TENM2: variants seen among roughly 807,000 people sequenced by gnomAD.
TENM2 encodes the protein teneurin transmembrane protein 2, also known as teneurin-2.
Under a neutral mutation model 245.2 loss-of-function variants are expected in TENM2, and 52 were observed. The ratio of observed to expected loss-of-function variants is 0.21; its 90% confidence interval spans 0.17 to 0.27. The LOEUF (loss-of-function observed/expected upper bound fraction) is 0.27. Among genes scored for constraint, TENM2 ranks in the 10% least tolerant of loss-of-function variants. The pLI, the probability that TENM2 is intolerant of heterozygous loss-of-function variation, is 1.00. For synonymous variants in TENM2, 1,363 were observed against 1,438.9 expected, an observed-to-expected ratio of 0.95 and a Z score of 1.19; for missense variants, 3,046 against 3,666.8, an observed-to-expected ratio of 0.83 and a Z score of 4.37.
At chr5:167,868,621 C>T (rs528081579) in intron 2 of TENM2, among the ~76,000 whole-genome samples, 1 of 151,470 alleles carries the variant, frequency 6.6e-6, no homozygotes, top group South Asian at 2.1e-4. Context: ...CCTGTAATCC[C>T]AGCTACTCAG....
intron 2 of TENM2, among the ~76,000 whole-genome samples, chr5:167,853,288 T>TAAAAAA: frequency 2.2e-4 from 1 of 4,570 alleles, no homozygotes; most frequent in Non-Finnish European, 5.6e-4. Flanking sequence ...AGACTCCGTC[T>TAAAAAA]CAAAAAAAAA....
At chr5:168,116,924 A>G (rs1054781709) in intron 9 of TENM2, among the ~76,000 whole-genome samples, 1 of 152,216 alleles carries the variant, frequency 6.6e-6, no homozygotes, top group Non-Finnish European at 1.5e-5. Flanking sequence ...ACCAGGAGTC[A>G]CTGAAACACC....
At chr5:167,179,196 G>T in the TENM2 span, among the ~76,000 whole-genome samples, 1 of 152,074 alleles carries the variant, frequency 6.6e-6, no homozygotes, top group African/African-American at 2.4e-5. Flanking sequence ...TCCTTCCAAG[G>T]ATAACAGGAA....
chr5:167,455,551 G>A (rs1360823372), intron 2 of TENM2, among the ~76,000 whole-genome samples: 1 of 148,024 alleles, frequency 6.8e-6, no homozygotes, highest in Non-Finnish European at 1.5e-5. Context: ...TGATGTCTCT[G>A]CCAGATAGGG....
intron 6 of TENM2, among the ~76,000 whole-genome samples, chr5:168,058,672 A>G (rs1200494506): frequency 1.3e-5 from 2 of 152,186 alleles, no homozygotes; most frequent in Non-Finnish European, 2.9e-5. Context: ...AGATATATAC[A>G]AATAGACATT....
chr5:167,845,543 G>T (rs1427381508), intron 2 of TENM2, among the ~76,000 whole-genome samples: 1 of 152,042 alleles, frequency 6.6e-6, no homozygotes, highest in Admixed American at 6.6e-5. Flanking sequence ...ACATTAACTT[G>T]TTCCAGTGTT....
At chr5:168,179,922 A>G (rs1314553187) in intron 13 of TENM2, among the ~76,000 whole-genome samples, 1 of 152,198 alleles carries the variant, frequency 6.6e-6, no homozygotes, top group Non-Finnish European at 1.5e-5. Context: ...GTTGCCATTA[A>G]TGTTCCATTG....
Position 168,195,146 on chromosome 5 carries a change from C to T in TENM2, c.2781-30C>T, listed in dbSNP as rs1018776429. 10 of 1,564,604 alleles carry T rather than the reference C, an allele frequency of 6.4e-6. No individual in the cohort carries two copies. The African/African-American group carries it at 1.4e-4, about 21-fold the overall frequency. On this transcript the variant is annotated intron_variant, in intron 14 of 28. Transcript: ENST00000518659. ...ATTGTCTCTGTTCTCCTGCATGTGG[C>T]TCAAAGACCTCTGTTTCTGTCTTTC...
chr5:168,078,473 T>C (rs1451416440), intron 7 of TENM2, among the ~76,000 whole-genome samples: 1 of 152,128 alleles, frequency 6.6e-6, no homozygotes, highest in Non-Finnish European at 1.5e-5. Context: ...GTTGCCATTG[T>C]TTTTGGTGTT....
At chr5:167,091,510 A>C in the TENM2 span, among the ~76,000 whole-genome samples, 1 of 152,200 alleles carries the variant, frequency 6.6e-6, no homozygotes, top group Non-Finnish European at 1.5e-5. Context: ...ACATTATACA[A>C]GTCATTAAGG....
chr5:168,216,597 G>C (rs1237387782), intron 21 of TENM2, among the ~76,000 whole-genome samples, 171 bp from the exon 24 acceptor site: 1 of 152,126 alleles, frequency 6.6e-6, no homozygotes, highest in African/African-American at 2.4e-5. Context: ...AGTGCCCATG[G>C]GAAAGGATCT....
At chr5:167,735,338 T>A (rs1037677932) in intron 2 of TENM2, among the ~76,000 whole-genome samples, 1 of 152,214 alleles carries the variant, frequency 6.6e-6, no homozygotes, top group African/African-American at 2.4e-5. Flanking sequence ...TGGTAAAGAC[T>A]AACTAAAATG....
the TENM2 span, among the ~76,000 whole-genome samples, chr5:167,026,291 T>C: frequency 6.6e-6 from 1 of 152,226 alleles, no homozygotes; most frequent in East Asian, 1.9e-4. Flanking sequence ...AGAACTTAGA[T>C]GTGCAGCTTC....
chr5:167,906,984 G>A lies in TENM2; in HGVS notation c.712+30789G>A, dbSNP rs184308328. Among the ~76,000 whole-genome samples the A allele has an allele frequency of 2.6e-3, 390 of 152,260 alleles. 14 individuals are homozygous for A. The East Asian group carries it at 0.065, about 25-fold the overall frequency. ...GCAGTGGCTCACGCCTGTAATCTCCGCACTTTGGGAGGCTGAGGCAGGCGG... is the reference window on the plus strand; with the variant it reads ...GCAGTGGCTCACGCCTGTAATCTCCACACTTTGGGAGGCTGAGGCAGGCGG... On this transcript the variant is annotated intron_variant, in intron 3 of 28. Transcript: ENST00000518659.
Position 167,912,561 on chromosome 5 carries a change from G to A in TENM2, c.712+36366G>A, listed in dbSNP as rs547779516. 3.3e-5 allele frequency among the ~76,000 whole-genome samples: 5 copies of A among 152,256 alleles called. No homozygotes were observed. In the South Asian group the frequency reaches 1.0e-3, roughly 32 times the overall value. On this transcript the variant is annotated intron_variant, in intron 3 of 28. Coordinates refer to ENST00000518659, the Ensembl canonical transcript of TENM2. ...TACAACGGGAGTGGGAGGAAGGAGTGGGTGAGTGGAAAGTCCTTTTGCACG... is the reference window on the plus strand; with the variant it reads ...TACAACGGGAGTGGGAGGAAGGAGTAGGTGAGTGGAAAGTCCTTTTGCACG...
intron 2 of TENM2, among the ~76,000 whole-genome samples, chr5:167,762,018 T>A (rs1762704674): frequency 6.6e-6 from 1 of 152,210 alleles, no homozygotes; most frequent in African/African-American, 2.4e-5. Flanking sequence ...ATTAAGTACA[T>A]GCAGAAGCGC....
intron 3 of TENM2, among the ~76,000 whole-genome samples, chr5:167,921,201 G>T (rs1777343155): frequency 6.6e-6 from 1 of 152,194 alleles, no homozygotes; most frequent in Non-Finnish European, 1.5e-5. Flanking sequence ...TAAGCAGAGA[G>T]AGAAGTTGTG....
the TENM2 span, among the ~76,000 whole-genome samples, chr5:167,064,768 C>G: frequency 6.6e-6 from 1 of 152,244 alleles, no homozygotes; most frequent in African/African-American, 2.4e-5. Flanking sequence ...ATGTTCGGTG[C>G]TAAAAGCAAA....
chr5:168,110,845 T>C (rs1794619824), intron 9 of TENM2, among the ~76,000 whole-genome samples: 1 of 152,332 alleles, frequency 6.6e-6, no homozygotes, highest in African/African-American at 2.4e-5. Flanking sequence ...TAAGTACTTA[T>C]CGATTGAGAA....
Sources: gnomAD v4.1 joint callset for allele counts (sites outside exome capture counted in the v4.1 genomes callset) on GRCh38, gnomAD v4.1.1 for gene constraint, MANE v1.5 for transcripts, NCBI Gene and HGNC (gene_info 2026-07-23, HGNC 2026-07-21) for gene names.